The following ZNF827 variants were observed in gnomAD, a reference collection of about 807,000 sequenced individuals.
The protein encoded by ZNF827 is zinc finger protein 827.
In ZNF827, 13 loss-of-function variants were observed where a neutral mutation model predicts 102.4. The ratio of observed to expected loss-of-function variants is 0.13; its 90% CI spans 0.08 to 0.20. ZNF827 has a LOEUF of 0.20. Among genes scored for constraint, ZNF827 ranks in the 10% least tolerant of loss-of-function variants. The pLI, the probability that ZNF827 is intolerant of heterozygous loss-of-function variation, is 1.00. For missense variants in ZNF827, 1,103 were observed against 1,344.4 expected (o/e 0.82, Z 2.81); for synonymous variants, 523 against 536.2 (o/e 0.98, Z 0.34).
intron 5 of ZNF827, among the ~76,000 whole-genome samples, chr4:145,858,287 C>T (rs955933915): frequency 1.3e-5 from 2 of 151,486 alleles, no homozygotes; most frequent in African/African-American, 2.4e-5. Flanking sequence ...CAAAATGAGA[C>T]GGTACATTAA....
intron 5 of ZNF827, among the ~76,000 whole-genome samples, chr4:145,867,504 C>T (rs1362680288): frequency 1.3e-5 from 2 of 152,172 alleles, no homozygotes; most frequent in Non-Finnish European, 1.5e-5. Flanking sequence ...GGACTAGTTT[C>T]TTCTTATTCA....
intron 3 of ZNF827, among the ~76,000 whole-genome samples, chr4:145,889,530 T>TA (rs1383386142): frequency 6.6e-5 from 10 of 151,274 alleles, no homozygotes; most frequent in African/African-American, 2.4e-4. Context: ...TTTGAGATCT[T>TA]AATCTCTGGC....
Position 145,765,748 on chromosome 4 carries a change from A to C in ZNF827, c.2861-10T>G, listed in dbSNP as rs1392121620. On this transcript the variant is annotated splice_polypyrimidine_tract_variant and intron_variant, in intron 11 of 14. Coordinates refer to ENST00000508784, the MANE Select transcript of ZNF827 (RefSeq NM_001306215.2). The surrounding 1 kb of genome is among the most constrained non-coding windows in gnomAD (Gnocchi z 4.7). ...GTCTTCCTGTCTTCCCCTGAAAAAT[A>C]AGCAAATAACCCAGTCTGTTAATGA... 6.2e-7 allele frequency: 1 copy of C among 1,612,250 alleles called. No homozygotes were observed. Among genetic ancestry groups the C allele is most frequent in the South Asian group, 1.1e-5 (1 of 90,744 alleles).
intron 9 of ZNF827, 120 bp from the exon 10 acceptor site, chr4:145,776,080 G>A: frequency 8.7e-7 from 1 of 1,156,010 alleles, no homozygotes; most frequent in Non-Finnish European, 1.2e-6. Flanking sequence ...TTCAGATGGA[G>A]ACAATGGTAA....
chr4:145,909,869 A>C (rs2126919924), intron 1 of ZNF827, among the ~76,000 whole-genome samples: 1 of 152,294 alleles, frequency 6.6e-6, no homozygotes, highest in South Asian at 2.1e-4. Flanking sequence ...TCGCGTCTTC[A>C]AGGCTCCAAG....
intron 1 of ZNF827, among the ~76,000 whole-genome samples, chr4:145,933,874 A>G (rs1579605126): frequency 1.3e-5 from 2 of 152,150 alleles, no homozygotes; most frequent in South Asian, 4.1e-4. Flanking sequence ...AACCGTTCAT[A>G]AAGTGCCCAG....
intron 4 of ZNF827, among the ~76,000 whole-genome samples, chr4:145,881,842 AC>A: frequency 6.6e-6 from 1 of 152,334 alleles, no homozygotes; most frequent in South Asian, 2.1e-4. Flanking sequence ...ACAAAACTGC[AC>A]TGATGAAAAC....
chr4:145,923,388 T>C (rs1358177619), intron 1 of ZNF827, among the ~76,000 whole-genome samples: 1 of 151,504 alleles, frequency 6.6e-6, no homozygotes. Flanking sequence ...GCGGATCACC[T>C]GAGGCCAGGA....
chr4:145,936,010 A>C (rs1054591410), intron 1 of ZNF827, among the ~76,000 whole-genome samples: 4 of 152,076 alleles, frequency 2.6e-5, no homozygotes, highest in Non-Finnish European at 5.9e-5. Context: ...GAAGAGAAGA[A>C]AGGGAAAATG....
At position 145,840,316 on chromosome 4, in the gene ZNF827, G is replaced by C. The variant is rs946749293; in HGVS notation, c.2279+5640C>G. On this transcript the variant is annotated intron_variant, in intron 7 of 14. Coordinates refer to ENST00000508784, the MANE Select transcript of ZNF827 (RefSeq NM_001306215.2). ...CTGCACAAAAGCACCACATCTAGAG[G>C]GGCATGATTAACGTCACAGACATCA... Among the ~76,000 whole-genome samples the C allele has an allele frequency of 3.9e-5, 6 of 152,222 alleles. No homozygotes were observed. In the South Asian group the frequency reaches 1.2e-3, roughly 31 times the overall value.
In ZNF827 at chr4:145,765,337, A is replaced by G. The variant is rs773505637; in HGVS notation, c.3053-172T>C. On this transcript the variant is annotated intron_variant, in intron 12 of 14. Coordinates refer to ENST00000508784, the MANE Select transcript of ZNF827 (RefSeq NM_001306215.2). This position sits in a 1 kb window ranked among gnomAD's most constrained non-coding sequence, Gnocchi z 4.7. The stretch of plus-strand genomic sequence containing the variant: ...GCTAAAAGGAGTTAAATGTACAAAC[A>G]TCGGAATCAATGTCACCCTCCCCAT... Among the ~76,000 whole-genome samples the G allele has an allele frequency of 6.6e-6, 1 of 152,170 alleles. No individual in the cohort carries two copies. Among genetic ancestry groups the G allele is most frequent in the Non-Finnish European group, 1.5e-5 (1 of 68,022 alleles).
chr4:145,761,456 G>C lies in ZNF827; in HGVS notation c.*160C>G. On this transcript the variant is annotated 3_prime_UTR_variant, in exon 15 of 15. Coordinates refer to ENST00000508784, the MANE Select transcript of ZNF827 (RefSeq NM_001306215.2). This position sits in a 1 kb window ranked among gnomAD's most constrained non-coding sequence, Gnocchi z 6.8. ...CACTTGTAGTGGTTGCCCAGGCGGT[G>C]CTCCCGGGTGTGCGTCTCCAGCTCC... The C allele has an allele frequency of 1.6e-6, 2 of 1,289,866 alleles. No individual in the cohort carries two copies. The highest frequency in any genetic ancestry group is 2.0e-6 in the Non-Finnish European group (2 of 988,874). The allele number at this position is 1,289,866 out of a possible 1,614,324, so 79.9% of individuals were successfully genotyped here. A position where few individuals can be genotyped will look rare whatever the true frequency, so the allele number is the denominator to read the frequency against.
intron 1 of ZNF827, among the ~76,000 whole-genome samples, chr4:145,917,951 C>G (rs1257285597): frequency 1.3e-5 from 2 of 151,998 alleles, no homozygotes; most frequent in African/African-American, 4.8e-5. Flanking sequence ...ATCCTCCACC[C>G]AAAACTGGTA....
chr4:145,885,995 G>A lies in ZNF827; in HGVS notation c.1430C>T (p.Ser477Phe), dbSNP rs1750087440. 1 of 1,614,072 alleles carries A rather than the reference G, an allele frequency of 6.2e-7. No individual in the cohort carries two copies. The highest frequency in any genetic ancestry group is 8.5e-7 in the Non-Finnish European group (1 of 1,179,984). ...EEIPDPDVKG[S>F]PHLSDSACLG... Reference sequence around the variant, plus strand: ...GCAGGCACTGTCACTGAGGTGGGGAGATCCCTTGACATCTGGGTCTGGGAT... The same window carrying A: ...GCAGGCACTGTCACTGAGGTGGGGAAATCCCTTGACATCTGGGTCTGGGAT... Residue 477 changes from serine (S) to phenylalanine (F), a missense_variant, in exon 4 of 15, where the codon TCT becomes TTT. Transcript: ENST00000508784.
intron 2 of ZNF827, among the ~76,000 whole-genome samples, chr4:145,899,258 C>G (rs773771997): frequency 2.6e-5 from 4 of 151,952 alleles, no homozygotes; most frequent in Non-Finnish European, 5.9e-5. Flanking sequence ...ACATCCCAAT[C>G]CAGCCCCAGG....
rs187735728 is a variant in ZNF827 at position 145,786,756 on chromosome 4, A to T, written c.2384-7245T>A. ...GTGAAGCTAAGAGTCAGCTGTGGTT[A>T]TGACTCTTTGGGGGTTAATATCTTT... On this transcript the variant is annotated intron_variant, in intron 8 of 14. Transcript: ENST00000508784. 3.3e-4 allele frequency among the ~76,000 whole-genome samples: 50 copies of T among 152,294 alleles called. 1 individual carries two copies. The highest frequency in any genetic ancestry group is 1.0e-4 in the Non-Finnish European group (7 of 68,020).
At chr4:145,837,923 CT>C (rs757199892) in intron 7 of ZNF827, among the ~76,000 whole-genome samples, 8 of 152,198 alleles carry the variant, frequency 5.3e-5, no homozygotes, top group Non-Finnish European at 1.2e-4. Flanking sequence ...CACGCCGCCC[CT>C]AATCCCGCTT....
At chr4:145,804,467 T>G (rs575679889) in intron 8 of ZNF827, among the ~76,000 whole-genome samples, 1 of 152,338 alleles carries the variant, frequency 6.6e-6, no homozygotes, top group South Asian at 2.1e-4. Context: ...TAAAAAACAT[T>G]TAAAACAAAC....
intron 4 of ZNF827, among the ~76,000 whole-genome samples, chr4:145,882,058 A>G (rs571340693): frequency 6.6e-6 from 1 of 152,308 alleles, no homozygotes; most frequent in African/African-American, 2.4e-5. Flanking sequence ...GGCAAGGCTA[A>G]TGTGCAGCCG....
Sources: gnomAD v4.1 joint callset for allele counts (sites outside exome capture counted in the v4.1 genomes callset) on GRCh38, gnomAD v4.1.1 for gene constraint, Gnocchi (gnomAD v3.1) non-coding constraint, MANE v1.5 for transcripts, NCBI Gene and HGNC (gene_info 2026-07-23, HGNC 2026-07-21) for gene names.